Variants in ADGRL3 observed in about 807,000 individuals in gnomAD.
ADGRL3 encodes the protein calcium-independent alpha-latrotoxin receptor 3.
Under a neutral mutation model 153.5 loss-of-function variants are expected in ADGRL3, and 62 were observed. That is an observed-to-expected ratio of 0.40 (90% CI 0.33 to 0.50). ADGRL3 has a LOEUF of 0.50. ADGRL3 is among the 20% of genes least tolerant of loss of function. ADGRL3 has a pLI of 0.47. For missense variants in ADGRL3, 1,641 were observed against 1,859.4 expected, an observed-to-expected ratio of 0.88 and a Z score of 2.16; for synonymous variants, 710 against 672.5, an observed-to-expected ratio of 1.06 and a Z score of -0.86.
intron 1 of ADGRL3, among the ~76,000 whole-genome samples, chr4:61,318,980 C>T (rs2095297079): frequency 6.6e-6 from 1 of 152,132 alleles, no homozygotes; most frequent in Non-Finnish European, 1.5e-5. Context: ...CTCCTTGCAG[C>T]AGTCCCATAT....
intron 24 of ADGRL3, among the ~76,000 whole-genome samples, chr4:62,041,802 T>C (rs1728448132): frequency 6.6e-6 from 1 of 152,094 alleles, no homozygotes; most frequent in Admixed American, 6.6e-5. Context: ...TGCAATATAC[T>C]ATATACTTTT....
chr4:61,847,703 T>TTA (rs1248927307), intron 9 of ADGRL3, among the ~76,000 whole-genome samples: 2 of 37,980 alleles, frequency 5.3e-5, no homozygotes, highest in Non-Finnish European at 4.6e-5. Flanking sequence ...ATAAAATATA[T>TTA]TATATATATA....
Position 61,698,124 on chromosome 4 carries a change from T to A in ADGRL3, c.583+21189T>A, listed in dbSNP as rs1165585684. On this transcript the variant is annotated intron_variant, in intron 6 of 26. Transcript: ENST00000683033. ...CTTGCCTATTTGAAGTTATATAGTA[T>A]TAATGATTGTGAACATCACTGATGC... Among the ~76,000 whole-genome samples the A allele has an allele frequency of 2.6e-5, 4 of 152,022 alleles. No homozygotes were observed. In the East Asian group the frequency reaches 7.7e-4, roughly 29 times the overall value.
chr4:61,524,415 A>T (rs1490253681), intron 4 of ADGRL3, among the ~76,000 whole-genome samples: 1 of 151,996 alleles, frequency 6.6e-6, no homozygotes, highest in East Asian at 1.9e-4. Flanking sequence ...AATTAATTAA[A>T]TTGATGATTT....
chr4:62,031,390 T>C, intron 22 of ADGRL3, 52 bp from the exon 23 acceptor site: 2 of 1,430,908 alleles, frequency 1.4e-6, no homozygotes, highest in Non-Finnish European at 1.9e-6. Flanking sequence ...GATATGGTTG[T>C]TAATTAAAGA....
chr4:61,557,032 A>G (rs1361293228), intron 4 of ADGRL3, among the ~76,000 whole-genome samples: 2 of 152,258 alleles, frequency 1.3e-5, no homozygotes, highest in Middle Eastern at 3.4e-3. Context: ...TTCAGTTTGC[A>G]TTTTCTAATC....
intron 5 of ADGRL3, among the ~76,000 whole-genome samples, chr4:61,598,757 A>G (rs1037660009): frequency 4.5e-4 from 68 of 152,198 alleles, no homozygotes; most frequent in Admixed American, 4.4e-3. Context: ...AATGTTATCT[A>G]ATGGTTTAAG....
chr4:61,809,258 A>G (rs2097582402), intron 8 of ADGRL3, among the ~76,000 whole-genome samples: 1 of 152,144 alleles, frequency 6.6e-6, no homozygotes. Context: ...TACTTAAAGA[A>G]GAAAGTTGTG....
chr4:61,983,563 T>G lies in ADGRL3; in HGVS notation c.3196T>G (p.Ser1066Ala), dbSNP rs778070624. The change falls in exon 19 of 27, where the codon TCA (serine) becomes GCA (alanine). Residue 1066 changes from serine to alanine, a missense_variant. Transcript: ENST00000683033. ...GATGCCTGCACTCATTGTGGCTGTGTCAGCTGCAGTAGACTACAGGAGTTA... is the reference window on the plus strand; with the variant it reads ...GATGCCTGCACTCATTGTGGCTGTGGCAGCTGCAGTAGACTACAGGAGTTA... ...YGMPALIVAV[S>A]AAVDYRSYGT... is the part of the protein sequence containing the mutation. 1.9e-6 allele frequency: 3 copies of G among 1,613,958 alleles called. No individual in the cohort carries two copies. The East Asian group carries it at 6.7e-5, about 36-fold the overall frequency.
intron 5 of ADGRL3, among the ~76,000 whole-genome samples, chr4:61,675,215 T>C (rs970175366): frequency 3.3e-5 from 5 of 151,932 alleles, no homozygotes; most frequent in Non-Finnish European, 5.9e-5. Flanking sequence ...TAGATGCTCT[T>C]TATGTTGCCA....
At chr4:61,520,861 C>T (rs2098526831) in intron 4 of ADGRL3, among the ~76,000 whole-genome samples, 1 of 151,852 alleles carries the variant, frequency 6.6e-6, no homozygotes, top group Non-Finnish European at 1.5e-5. Flanking sequence ...CTCAATCTTT[C>T]CAACAGCTTT....
intron 13 of ADGRL3, among the ~76,000 whole-genome samples, chr4:61,920,173 T>TAAATA (rs1306648604): frequency 1.3e-5 from 2 of 152,192 alleles, no homozygotes; most frequent in African/African-American, 4.8e-5. Flanking sequence ...ACATAGAATA[T>TAAATA]AAATAGATAT....
At chr4:62,028,968 G>C in intron 22 of ADGRL3, 87 bp downstream of exon 22, 1 of 1,186,814 alleles carries the variant, frequency 8.4e-7, no homozygotes. Flanking sequence ...AAAATCATTA[G>C]AGCTTCTGTC....
intron 2 of ADGRL3, among the ~76,000 whole-genome samples, chr4:61,459,823 T>C (rs1179737085): frequency 6.6e-6 from 1 of 152,114 alleles, no homozygotes; most frequent in African/African-American, 2.4e-5. Context: ...TTTTTTCTTC[T>C]TGTAGTGCAA....
intron 2 of ADGRL3, among the ~76,000 whole-genome samples, chr4:61,491,161 G>A (rs1307743278): frequency 3.9e-5 from 6 of 152,096 alleles, no homozygotes; most frequent in African/African-American, 1.4e-4. Context: ...ATCAGAAGGA[G>A]TCTTCCATGT....
chr4:61,436,399 T>C (rs1047964460), intron 2 of ADGRL3, among the ~76,000 whole-genome samples: 3 of 152,172 alleles, frequency 2.0e-5, no homozygotes, highest in Non-Finnish European at 4.4e-5. Context: ...GCTGAAAACA[T>C]GCATATGGAT....
At chr4:61,560,939 C>T (rs9968477) in intron 4 of ADGRL3, among the ~76,000 whole-genome samples, 6,875 of 151,916 alleles carry the variant, frequency 0.045, 498 homozygotes, top group African/African-American at 0.15. Flanking sequence ...GGTAACGGGT[C>T]GCTAATAACT....
At chr4:61,784,804 T>C (rs539437682) in intron 8 of ADGRL3, among the ~76,000 whole-genome samples, 16 of 152,064 alleles carry the variant, frequency 1.1e-4, no homozygotes, top group Admixed American at 2.0e-4. Context: ...GACGAAAGGT[T>C]GAAAGATGAG....
At chr4:62,033,280 G>T (rs1275672804) in intron 23 of ADGRL3, among the ~76,000 whole-genome samples, 4 of 151,750 alleles carry the variant, frequency 2.6e-5, no homozygotes, top group Middle Eastern at 3.4e-3. Flanking sequence ...ATCAGATAGG[G>T]TTCTATCGAT....
Sources: gnomAD v4.1 joint callset for allele counts (sites outside exome capture counted in the v4.1 genomes callset) on GRCh38, gnomAD v4.1.1 for gene constraint, MANE v1.5 for transcripts, NCBI Gene and HGNC (gene_info 2026-07-23, HGNC 2026-07-21) for gene names.